DACH1: variants seen among roughly 807,000 people sequenced by gnomAD.
The protein encoded by DACH1 is dachshund family transcription factor 1, also known as dachshund homolog 1.
In DACH1, 12 loss-of-function variants were observed where a neutral mutation model predicts 54.2. That is an observed-to-expected ratio of 0.22 (90% CI 0.14 to 0.36). DACH1 has a LOEUF of 0.36. Among genes scored for constraint, DACH1 ranks in the 10% least tolerant of loss-of-function variants. The pLI is 1.00. For missense variants in DACH1, 805 were observed against 929.8 expected (o/e 0.87, Z 1.75); for synonymous variants, 386 against 366.2 (o/e 1.05, Z -0.62).
intron 6 of DACH1, among the ~76,000 whole-genome samples, chr13:71,545,109 C>G (rs1361821312): frequency 6.6e-6 from 1 of 151,956 alleles, no homozygotes; most frequent in East Asian, 1.9e-4. Context: ...TTTATAAAAA[C>G]AAACTTGCTT....
intron 1 of DACH1, among the ~76,000 whole-genome samples, chr13:71,728,919 G>A (rs1220881542): frequency 6.6e-6 from 1 of 151,838 alleles, no homozygotes; most frequent in Non-Finnish European, 1.5e-5. Context: ...GGTTTTTGAG[G>A]TTTTTTTAAC....
At chr13:71,818,715 A>T (rs1888061716) in intron 1 of DACH1, among the ~76,000 whole-genome samples, 1 of 152,200 alleles carries the variant, frequency 6.6e-6, no homozygotes, top group African/African-American at 2.4e-5. Flanking sequence ...TTTATCTTCC[A>T]GTTAGCAAAC....
At chr13:71,667,444 T>C (rs1010442743) in intron 2 of DACH1, among the ~76,000 whole-genome samples, 57 of 152,200 alleles carry the variant, frequency 3.7e-4, no homozygotes, top group Non-Finnish European at 7.6e-4. Context: ...ACAGTTTTTA[T>C]GATCAATTTT....
At chr13:71,552,840 T>TAG (rs1566335729) in intron 6 of DACH1, among the ~76,000 whole-genome samples, 2 of 16,864 alleles carry the variant, frequency 1.2e-4, no homozygotes, top group African/African-American at 2.5e-4. Context: ...TATATATATA[T>TAG]ATAGAGAGAG....
intron 1 of DACH1, among the ~76,000 whole-genome samples, chr13:71,688,050 A>G (rs1282116226): frequency 1.3e-5 from 2 of 152,246 alleles, no homozygotes; most frequent in Admixed American, 6.5e-5. Flanking sequence ...AACCACATAT[A>G]ATTGTCCTTT....
chr13:71,443,605 C>T (rs1241728902), intron 10 of DACH1, among the ~76,000 whole-genome samples: 1 of 152,078 alleles, frequency 6.6e-6, no homozygotes, highest in African/African-American at 2.4e-5. Context: ...TAAGATTAAT[C>T]AGTGAAAACA....
At chr13:71,653,387 C>A (rs1274406567) in intron 2 of DACH1, among the ~76,000 whole-genome samples, 2 of 152,160 alleles carry the variant, frequency 1.3e-5, no homozygotes, top group African/African-American at 4.8e-5. Context: ...TGAAGTATGA[C>A]CGTCAGTCAA....
chr13:71,839,957 A>AT (rs1310961420), intron 1 of DACH1, among the ~76,000 whole-genome samples: 4 of 151,434 alleles, frequency 2.6e-5, no homozygotes, highest in African/African-American at 9.7e-5. Flanking sequence ...ATTTATTTTT[A>AT]TTTTTTTGAG....
chr13:71,756,070 G>A (rs990540195), intron 1 of DACH1, among the ~76,000 whole-genome samples: 4 of 151,252 alleles, frequency 2.6e-5, no homozygotes, highest in Non-Finnish European at 5.9e-5. Flanking sequence ...TCACTCTGTC[G>A]CCCAGACAGG....
chr13:71,476,698 T>A (rs1481479414), intron 8 of DACH1, among the ~76,000 whole-genome samples: 1 of 152,098 alleles, frequency 6.6e-6, no homozygotes, highest in Non-Finnish European at 1.5e-5. Flanking sequence ...TATTTGTATA[T>A]GATACATACT....
chr13:71,585,127 T>C (rs1157346875), intron 3 of DACH1, among the ~76,000 whole-genome samples: 1 of 152,108 alleles, frequency 6.6e-6, no homozygotes, highest in African/African-American at 2.4e-5. Context: ...TTGTAAGTAC[T>C]GGGGAGATAG....
At chr13:71,492,556 T>C (rs1879065523) in intron 6 of DACH1, among the ~76,000 whole-genome samples, 1 of 152,152 alleles carries the variant, frequency 6.6e-6, no homozygotes, top group Admixed American at 6.6e-5. Flanking sequence ...ATTTTGGACT[T>C]CTAGTCTCCA....
At chr13:71,559,742 T>C (rs1471515261) in intron 5 of DACH1, 78 bp downstream of exon 5, 1 of 1,560,736 alleles carries the variant, frequency 6.4e-7, no homozygotes, top group South Asian at 1.1e-5. Context: ...CTATTTGGAA[T>C]GAGGGCATGT....
chr13:71,784,637 C>G (rs1886517041), intron 1 of DACH1, among the ~76,000 whole-genome samples: 1 of 152,094 alleles, frequency 6.6e-6, no homozygotes, highest in African/African-American at 2.4e-5. Flanking sequence ...TCTTAGAAGT[C>G]CACTGCCCTC....
chr13:71,848,710 G>A (rs773268598), intron 1 of DACH1, among the ~76,000 whole-genome samples: 2 of 151,760 alleles, frequency 1.3e-5, no homozygotes, highest in African/African-American at 4.8e-5. Flanking sequence ...TTGTACAGAT[G>A]GGGGGGTTCT....
chr13:71,673,367 C>A (rs949266660), intron 2 of DACH1, among the ~76,000 whole-genome samples: 1 of 151,948 alleles, frequency 6.6e-6, no homozygotes, highest in African/African-American at 2.4e-5. Context: ...AAATATATTT[C>A]TTCTGTAGTT....
At chr13:71,570,309 T>C (rs1038248615) in intron 4 of DACH1, among the ~76,000 whole-genome samples, 2 of 152,186 alleles carry the variant, frequency 1.3e-5, no homozygotes, top group Non-Finnish European at 2.9e-5. Flanking sequence ...AAAATGTGTT[T>C]ACTTTCAATA....
chr13:71,583,746 C>A (rs1266836256), intron 3 of DACH1, among the ~76,000 whole-genome samples: 1 of 151,986 alleles, frequency 6.6e-6, no homozygotes, highest in African/African-American at 2.4e-5. Flanking sequence ...GAGGCAGGAG[C>A]GTTGCTTGAG....
chr13:71,580,358 A>C (rs1191402209), intron 3 of DACH1, among the ~76,000 whole-genome samples: 4 of 152,258 alleles, frequency 2.6e-5, no homozygotes, highest in East Asian at 1.9e-4. Flanking sequence ...TCTTTCTCTA[A>C]GGATATTGTA....
Sources: gnomAD v4.1 joint callset for allele counts (sites outside exome capture counted in the v4.1 genomes callset) on GRCh38, gnomAD v4.1.1 for gene constraint, MANE v1.5 for transcripts, NCBI Gene and HGNC (gene_info 2026-07-23, HGNC 2026-07-21) for gene names.